The following MECOM variants were observed in gnomAD, a reference collection of about 807,000 sequenced individuals.
The protein encoded by MECOM is histone-lysine N-methyltransferase MECOM.
Under a neutral mutation model 116.3 loss-of-function variants are expected in MECOM, and 13 were observed. The observed-to-expected ratio is 0.11, with a 90% CI of 0.07 to 0.18. MECOM has a LOEUF of 0.18. MECOM is among the 10% of genes least tolerant of loss of function. MECOM has a pLI of 1.00. For missense variants in MECOM, 1,299 were observed against 1,509.0 expected, an observed-to-expected ratio of 0.86 and a Z score of 2.31; for synonymous variants, 528 against 535.2, an observed-to-expected ratio of 0.99 and a Z score of 0.19.
chr3:169,153,888 T>G (rs1250133110), intron 2 of MECOM, among the ~76,000 whole-genome samples: 2 of 152,334 alleles, frequency 1.3e-5, no homozygotes, highest in East Asian at 3.9e-4. Flanking sequence ...TTTGTGTTTG[T>G]GTAACGGGTT....
At chr3:169,437,281 T>C (rs1367686186) in intron 1 of MECOM, among the ~76,000 whole-genome samples, 1 of 152,230 alleles carries the variant, frequency 6.6e-6, no homozygotes, top group Non-Finnish European at 1.5e-5. Flanking sequence ...GTGTCCCAAA[T>C]ACTTTGAAAT....
At chr3:169,146,519 C>T (rs761913499) in intron 2 of MECOM, 19 of 1,379,304 alleles carry the variant, frequency 1.4e-5, no homozygotes, top group African/African-American at 2.9e-5. Context: ...CCAGACCGCA[C>T]CGTTTCGCAG....
Position 169,156,172 on chromosome 3 carries a change from G to A in MECOM, c.376-12340C>T, listed in dbSNP as rs114412963. Reference sequence around the variant, plus strand: ...TAACTTCACCCAATGGATAAAGATAGCTCCCTCTTGGAGCTTCACAATGAG... The same window carrying A: ...TAACTTCACCCAATGGATAAAGATAACTCCCTCTTGGAGCTTCACAATGAG... On this transcript the variant is annotated intron_variant, in intron 2 of 16. Transcript: ENST00000651503. 2.3e-3 allele frequency among the ~76,000 whole-genome samples: 352 copies of A among 152,214 alleles called. 1 individual carries two copies. The highest frequency in any genetic ancestry group is 8.0e-3 in the African/African-American group (333 of 41,550).
chr3:169,242,945 A>G (rs1755076388), intron 2 of MECOM, among the ~76,000 whole-genome samples: 1 of 151,744 alleles, frequency 6.6e-6, no homozygotes, highest in African/African-American at 2.4e-5. Flanking sequence ...AAGAATGGTG[A>G]AATTAAATCT....
chr3:169,188,070 C>T (rs1203638118), intron 2 of MECOM, among the ~76,000 whole-genome samples: 2 of 152,120 alleles, frequency 1.3e-5, no homozygotes, highest in East Asian at 1.9e-4. Context: ...AAGGGATCTA[C>T]TTAGATTCCC....
At chr3:169,120,619 C>T (rs1259694850) in intron 7 of MECOM, among the ~76,000 whole-genome samples, 1 of 152,192 alleles carries the variant, frequency 6.6e-6, no homozygotes, top group Admixed American at 6.5e-5. Flanking sequence ...CACACAGAGC[C>T]GTAAGCCTAC....
At chr3:169,275,448 C>T (rs147277092) in intron 2 of MECOM, among the ~76,000 whole-genome samples, 3 of 152,090 alleles carry the variant, frequency 2.0e-5, no homozygotes, top group Non-Finnish European at 4.4e-5. Flanking sequence ...TGGAAGGTCT[C>T]CTGCCTAGGG....
At chr3:169,336,902 T>G (rs975733481) in intron 2 of MECOM, among the ~76,000 whole-genome samples, 2 of 152,172 alleles carry the variant, frequency 1.3e-5, no homozygotes, top group African/African-American at 4.8e-5. Flanking sequence ...ATTACCACAG[T>G]GTAATATTTG....
chr3:169,152,855 A>G (rs1450044456), intron 2 of MECOM, among the ~76,000 whole-genome samples: 2 of 152,330 alleles, frequency 1.3e-5, no homozygotes, highest in East Asian at 3.9e-4. Context: ...AATATTTTAT[A>G]GTATATTTGG....
At chr3:169,528,457 GA>G (rs1247347270) in intron 1 of MECOM, among the ~76,000 whole-genome samples, 2 of 152,174 alleles carry the variant, frequency 1.3e-5, no homozygotes, top group Non-Finnish European at 2.9e-5. Flanking sequence ...AATTGACAAA[GA>G]TAATAAATAA....
intron 2 of MECOM, among the ~76,000 whole-genome samples, chr3:169,223,558 G>A (rs542016785): frequency 1.3e-5 from 2 of 152,008 alleles, no homozygotes; most frequent in Non-Finnish European, 2.9e-5. Flanking sequence ...AAATGTGATA[G>A]GTTATAAAGT....
At chr3:169,627,915 G>A (rs1048850164) in intron 1 of MECOM, among the ~76,000 whole-genome samples, 1 of 152,220 alleles carries the variant, frequency 6.6e-6, no homozygotes, top group Non-Finnish European at 1.5e-5. Context: ...GCAGATTTGA[G>A]CAGTGCTGTG....
At chr3:169,234,036 A>G (rs1005760443) in intron 2 of MECOM, among the ~76,000 whole-genome samples, 5 of 152,216 alleles carry the variant, frequency 3.3e-5, no homozygotes, top group Admixed American at 6.6e-5. Context: ...TGACAGCTGT[A>G]TAACTTTTAA....
chr3:169,324,427 C>T (rs1053478447), intron 2 of MECOM, among the ~76,000 whole-genome samples: 1 of 152,218 alleles, frequency 6.6e-6, no homozygotes, highest in Non-Finnish European at 1.5e-5. Flanking sequence ...ACATGCTCTG[C>T]TGCATACTTT....
At chr3:169,329,679 T>A (rs980176194) in intron 2 of MECOM, among the ~76,000 whole-genome samples, 2 of 152,180 alleles carry the variant, frequency 1.3e-5, no homozygotes, top group Non-Finnish European at 2.9e-5. Flanking sequence ...CTTATATAAA[T>A]GGGTGACAAA....
chr3:169,534,875 TCTGAA>T (rs2109177604), intron 1 of MECOM, among the ~76,000 whole-genome samples: 1 of 152,338 alleles, frequency 6.6e-6, no homozygotes, highest in African/African-American at 2.4e-5. Flanking sequence ...GAATCTGTGC[TCTGAA>T]CCTGCTACCT....
chr3:169,228,345 T>C (rs1451763125), intron 2 of MECOM, among the ~76,000 whole-genome samples: 2 of 152,206 alleles, frequency 1.3e-5, no homozygotes, highest in African/African-American at 4.8e-5. Flanking sequence ...CCACTTGAAT[T>C]TGATCATTTA....
chr3:169,167,367 T>A (rs1743755592), intron 2 of MECOM, among the ~76,000 whole-genome samples: 1 of 152,192 alleles, frequency 6.6e-6, no homozygotes, highest in Non-Finnish European at 1.5e-5. Flanking sequence ...GCCTTTTCTA[T>A]GTGGTCAGCC....
intron 14 of MECOM, among the ~76,000 whole-genome samples, chr3:169,091,779 G>T (rs1049344336): frequency 6.6e-6 from 1 of 151,086 alleles, no homozygotes. Context: ...AAACAGAAGT[G>T]GTCATTTTTT....
Sources: allele counts gnomAD v4.1 joint callset (sites outside exome capture counted in the v4.1 genomes callset), GRCh38; gene constraint gnomAD v4.1.1; transcripts MANE v1.5; gene names NCBI Gene and HGNC (gene_info 2026-07-23, HGNC 2026-07-21).